REDIC1: variants seen among roughly 807,000 people sequenced by gnomAD.
REDIC1 encodes HEI10 Interacting Protein 1.
chr12:39,640,110 C>A, the REDIC1 span, among the ~76,000 whole-genome samples: 1 of 150,808 alleles, frequency 6.6e-6, no homozygotes, highest in East Asian at 2.0e-4. Flanking sequence ...TTGTCTTTCC[C>A]CCAAGTTCAT....
the REDIC1 span, among the ~76,000 whole-genome samples, chr12:39,676,783 G>A: frequency 2.6e-5 from 4 of 152,046 alleles, no homozygotes; most frequent in Admixed American, 2.0e-4. Flanking sequence ...CAAGCCAGAA[G>A]GAATTGGGAT....
At chr12:39,758,024 G>C in the REDIC1 span, 1 of 151,410 alleles carries the variant, frequency 6.6e-6, no homozygotes, top group Non-Finnish European at 1.5e-5. Flanking sequence ...TAAAATATTA[G>C]ATAAGAAATT....
chr12:39,641,576 G>C, the REDIC1 span, among the ~76,000 whole-genome samples: 1 of 151,686 alleles, frequency 6.6e-6, no homozygotes, highest in African/African-American at 2.4e-5. Flanking sequence ...TAGTAGAATG[G>C]TTAAACAAAT....
the REDIC1 span, chr12:39,871,767 T>C: frequency 4.5e-5 from 71 of 1,569,946 alleles, no homozygotes; most frequent in Admixed American, 3.2e-4. Flanking sequence ...GAAATAAAGT[T>C]TATAATTGAA....
the REDIC1 span, among the ~76,000 whole-genome samples, chr12:39,873,209 TG>T: frequency 6.6e-6 from 1 of 152,334 alleles, no homozygotes; most frequent in African/African-American, 2.4e-5. Flanking sequence ...TGTGTTTTAC[TG>T]ATCACACTAA....
the REDIC1 span, among the ~76,000 whole-genome samples, chr12:39,818,659 C>G: frequency 6.6e-6 from 1 of 152,034 alleles, no homozygotes; most frequent in South Asian, 2.1e-4. Flanking sequence ...TGATGTCCCC[C>G]AAGTTTTTAT....
the REDIC1 span, among the ~76,000 whole-genome samples, chr12:39,866,608 T>C: frequency 6.6e-6 from 1 of 151,572 alleles, no homozygotes; most frequent in Admixed American, 6.6e-5. Context: ...GCCTCTGGAG[T>C]AGCTGGGACT....
At chr12:39,823,382 T>C in the REDIC1 span, among the ~76,000 whole-genome samples, 1 of 152,138 alleles carries the variant, frequency 6.6e-6, no homozygotes, top group African/African-American at 2.4e-5. Context: ...ACTGATGTGG[T>C]TTGTCAATGA....
the REDIC1 span, among the ~76,000 whole-genome samples, chr12:39,891,578 A>G: frequency 6.6e-6 from 1 of 152,214 alleles, no homozygotes; most frequent in Non-Finnish European, 1.5e-5. Flanking sequence ...TGAGTTCGAC[A>G]GTGAAGATTA....
the REDIC1 span, among the ~76,000 whole-genome samples, chr12:39,725,482 A>G: frequency 1.3e-5 from 2 of 152,094 alleles, no homozygotes; most frequent in African/African-American, 2.4e-5. Context: ...AGGCCTTCTT[A>G]TAGACTTCAT....
At chr12:39,728,377 C>CT in the REDIC1 span, among the ~76,000 whole-genome samples, 81 of 151,864 alleles carry the variant, frequency 5.3e-4, no homozygotes, top group African/African-American at 1.9e-3. Context: ...TATTGAAGGC[C>CT]TTTTTTTGCA....
the REDIC1 span, among the ~76,000 whole-genome samples, chr12:39,751,880 C>T: frequency 1.3e-5 from 2 of 152,038 alleles, no homozygotes; most frequent in African/African-American, 4.8e-5. Flanking sequence ...GGAAGGGGAA[C>T]ATCACACACC....
the REDIC1 span, among the ~76,000 whole-genome samples, chr12:39,789,807 T>C: frequency 6.6e-5 from 10 of 152,288 alleles, no homozygotes; most frequent in Non-Finnish European, 1.2e-4. Context: ...TGAGCCCCCA[T>C]TTCACATATT....
chr12:39,712,850 C>G, the REDIC1 span, among the ~76,000 whole-genome samples: 46 of 92,408 alleles, frequency 5.0e-4, no homozygotes, highest in Admixed American at 3.7e-3. Context: ...CACGTATATA[C>G]ACATATGTAT....
the REDIC1 span, among the ~76,000 whole-genome samples, chr12:39,848,398 G>A: frequency 2.0e-5 from 3 of 152,020 alleles, no homozygotes; most frequent in African/African-American, 4.8e-5. Flanking sequence ...GATGACATAC[G>A]TGCAGCCAAG....
chr12:39,656,442 C>G, the REDIC1 span, among the ~76,000 whole-genome samples: 1 of 151,816 alleles, frequency 6.6e-6, no homozygotes, highest in African/African-American at 2.4e-5. Context: ...ACAAACCTGC[C>G]AGTCATATGA....
chr12:39,826,455 G>GTT, the REDIC1 span, among the ~76,000 whole-genome samples: 9 of 137,450 alleles, frequency 6.5e-5, no homozygotes, highest in South Asian at 2.3e-4. Flanking sequence ...ATTTTTCTGG[G>GTT]TTTTTTTTTT....
chr12:39,870,898 T>C, the REDIC1 span, among the ~76,000 whole-genome samples: 1 of 152,206 alleles, frequency 6.6e-6, no homozygotes, highest in African/African-American at 2.4e-5. Flanking sequence ...AAATATGGGA[T>C]GAGTGACTGA....
chr12:39,795,448 A>AT, the REDIC1 span, among the ~76,000 whole-genome samples: 2 of 151,994 alleles, frequency 1.3e-5, no homozygotes, highest in African/African-American at 4.8e-5. Flanking sequence ...AAACACAGTG[A>AT]TTTTATATTT....
Sources: gnomAD v4.1 joint callset for allele counts (sites outside exome capture counted in the v4.1 genomes callset) on GRCh38, gnomAD v4.1.1 for gene constraint, MANE v1.5 for transcripts, NCBI Gene and HGNC (gene_info 2026-07-23, HGNC 2026-07-21) for gene names.